Variants in CDH18 observed in about 807,000 individuals in gnomAD.
CDH18 encodes cadherin-18.
Under a neutral mutation model 67.9 loss-of-function variants are expected in CDH18, and 31 were observed. The ratio of observed to expected loss-of-function variants is 0.46; its 90% CI spans 0.34 to 0.62. CDH18 has a LOEUF of 0.62. CDH18 is among the 20% of genes least tolerant of loss of function. The pLI, the probability that CDH18 is intolerant of heterozygous loss-of-function variation, is 0.01. For synonymous variants in CDH18, 362 were observed against 347.2 expected (o/e 1.04, Z -0.48); for missense variants, 890 against 975.5 (o/e 0.91, Z 1.17).
intron 5 of CDH18, among the ~76,000 whole-genome samples, chr5:19,690,339 T>A (rs1036828534): frequency 1.3e-5 from 2 of 151,542 alleles, no homozygotes; most frequent in Non-Finnish European, 3.0e-5. Flanking sequence ...AATAAATACC[T>A]ATATCAAAAA....
At chr5:20,549,589 T>G (rs967479769) in intron 1 of CDH18, among the ~76,000 whole-genome samples, 1 of 152,136 alleles carries the variant, frequency 6.6e-6, no homozygotes, top group Non-Finnish European at 1.5e-5. Flanking sequence ...TAGGGAAACA[T>G]TACAGAAGAC....
chr5:20,094,843 AGACACACGC>A (rs1745743535), intron 2 of CDH18, among the ~76,000 whole-genome samples: 1 of 152,192 alleles, frequency 6.6e-6, no homozygotes, highest in East Asian at 1.9e-4. Flanking sequence ...CTACTAATAA[AGACACACGC>A]ACACATATAT....
At chr5:19,896,458 A>G (rs940754812) in intron 2 of CDH18, among the ~76,000 whole-genome samples, 3 of 152,180 alleles carry the variant, frequency 2.0e-5, no homozygotes, top group Non-Finnish European at 4.4e-5. Flanking sequence ...GGGGCTAGGT[A>G]CACACATAAA....
intron 12 of CDH18, among the ~76,000 whole-genome samples, chr5:19,480,547 T>A (rs1283158501): frequency 1.3e-5 from 2 of 151,388 alleles, no homozygotes; most frequent in Admixed American, 1.3e-4. Context: ...CCGACTAATT[T>A]TTTGTGTTTT....
intron 3 of CDH18, among the ~76,000 whole-genome samples, chr5:19,836,585 T>C (rs1257865270): frequency 6.6e-6 from 1 of 152,172 alleles, no homozygotes; most frequent in Admixed American, 6.6e-5. Flanking sequence ...GCCAGATGGA[T>C]AGATGGCAAA....
intron 2 of CDH18, among the ~76,000 whole-genome samples, chr5:19,955,333 A>G (rs1796160739): frequency 6.6e-6 from 1 of 152,142 alleles, no homozygotes; most frequent in Admixed American, 6.6e-5. Context: ...ATCAAATATG[A>G]TGGTAAAGGT....
chr5:20,475,239 GCAT>G (rs1396988311), intron 1 of CDH18, among the ~76,000 whole-genome samples: 3 of 151,892 alleles, frequency 2.0e-5, no homozygotes, highest in African/African-American at 7.3e-5. Context: ...AAGAATTTAT[GCAT>G]TATTTATGCA....
chr5:20,278,713 T>C (rs1198078909), intron 1 of CDH18, among the ~76,000 whole-genome samples: 1 of 152,068 alleles, frequency 6.6e-6, no homozygotes, highest in Non-Finnish European at 1.5e-5. Context: ...GAACGAACAG[T>C]TAAAAAGTAG....
intron 7 of CDH18, among the ~76,000 whole-genome samples, chr5:19,589,628 G>C (rs564106100): frequency 6.6e-6 from 1 of 152,194 alleles, no homozygotes; most frequent in East Asian, 1.9e-4. Flanking sequence ...GCTTAATTCA[G>C]CAATCAGAAA....
chr5:19,598,527 C>A (rs1340677086), intron 6 of CDH18, among the ~76,000 whole-genome samples: 1 of 151,802 alleles, frequency 6.6e-6, no homozygotes, highest in African/African-American at 2.4e-5. Context: ...ACTGAATGAA[C>A]CAAATATGAA....
intron 4 of CDH18, among the ~76,000 whole-genome samples, chr5:19,739,853 AT>A (rs1475776692): frequency 1.3e-5 from 2 of 152,200 alleles, no homozygotes; most frequent in African/African-American, 4.8e-5. Flanking sequence ...ATCCCAAGAT[AT>A]TTGGCAGAAC....
chr5:20,256,349 GCTTA>G (rs761359569), intron 1 of CDH18, among the ~76,000 whole-genome samples: 1 of 151,902 alleles, frequency 6.6e-6, no homozygotes, highest in African/African-American at 2.4e-5. Context: ...GCCCAAATCA[GCTTA>G]CTATGTCCTT....
intron 1 of CDH18, among the ~76,000 whole-genome samples, chr5:20,536,872 C>T (rs1158609656): frequency 6.6e-6 from 1 of 152,142 alleles, no homozygotes; most frequent in Non-Finnish European, 1.5e-5. Flanking sequence ...ATGTTTTCCT[C>T]TCTTGTCCCA....
intron 2 of CDH18, among the ~76,000 whole-genome samples, chr5:19,954,397 C>A (rs1379975210): frequency 6.6e-6 from 1 of 151,770 alleles, no homozygotes; most frequent in South Asian, 2.1e-4. Flanking sequence ...ATATTCAGGA[C>A]AAAAATTAAG....
intron 5 of CDH18, among the ~76,000 whole-genome samples, chr5:19,677,929 T>C (rs1759725188): frequency 6.6e-6 from 1 of 151,974 alleles, no homozygotes; most frequent in Non-Finnish European, 1.5e-5. Flanking sequence ...TCTCTTAGTG[T>C]GTGTAAATCA....
chr5:20,121,718 C>T (rs1283009700), intron 2 of CDH18, among the ~76,000 whole-genome samples: 1 of 152,136 alleles, frequency 6.6e-6, no homozygotes, highest in Non-Finnish European at 1.5e-5. Flanking sequence ...AGCAGGTCTC[C>T]AGCTATGGGA....
intron 2 of CDH18, among the ~76,000 whole-genome samples, chr5:20,051,799 T>C (rs1367103105): frequency 2.6e-5 from 4 of 152,036 alleles, no homozygotes; most frequent in South Asian, 4.1e-4. Context: ...GTAATAAAAA[T>C]GTATGAGTAA....
chr5:20,344,747 T>A (rs1364654231), intron 1 of CDH18, among the ~76,000 whole-genome samples: 2 of 152,100 alleles, frequency 1.3e-5, no homozygotes, highest in East Asian at 1.9e-4. Flanking sequence ...GAAACACCCC[T>A]TCAAAGACAG....
chr5:19,656,147 C>T (rs1431742534), intron 5 of CDH18, among the ~76,000 whole-genome samples: 1 of 151,934 alleles, frequency 6.6e-6, no homozygotes, highest in Admixed American at 6.6e-5. Context: ...AGGAAATTTA[C>T]TTCTGAGTAA....
Sources: gnomAD v4.1 joint callset for allele counts (sites outside exome capture counted in the v4.1 genomes callset) on GRCh38, gnomAD v4.1.1 for gene constraint, MANE v1.5 for transcripts, NCBI Gene and HGNC (gene_info 2026-07-23, HGNC 2026-07-21) for gene names.